Variants in KIR3DL1 observed in about 807,000 individuals in gnomAD.
KIR3DL1 encodes killer cell immunoglobulin-like receptor 3DL1.
KIR3DL1 carries 50 observed loss-of-function variants against 40.3 expected under a neutral mutation model. That is an observed-to-expected ratio of 1.24 (90% confidence interval 0.99 to 1.57). KIR3DL1 has a LOEUF of 1.57. Among genes scored for constraint, KIR3DL1 ranks in the 40% most tolerant of loss-of-function variants. KIR3DL1 has a pLI of 0.00. For synonymous variants in KIR3DL1, 257 were observed against 207.2 expected (o/e 1.24, Z -2.07); for missense variants, 661 against 559.9 (o/e 1.18, Z -1.82).
chr19:54,823,436 A>G (rs986141380), intron 5 of KIR3DL1, among the ~76,000 whole-genome samples: 2 of 150,918 alleles, frequency 1.3e-5, no homozygotes, highest in Non-Finnish European at 3.0e-5. Context: ...TTTCTCTACC[A>G]TCTTGCCAGC....
At chr19:54,827,361 C>T (rs2061955085) in intron 6 of KIR3DL1, among the ~76,000 whole-genome samples, 1 of 150,610 alleles carries the variant, frequency 6.6e-6, no homozygotes, top group African/African-American at 2.5e-5. Flanking sequence ...GAGGCTAAGG[C>T]CAGTGGATTC....
intron 5 of KIR3DL1, among the ~76,000 whole-genome samples, chr19:54,822,570 C>G (rs2061693092): frequency 6.7e-6 from 1 of 150,110 alleles, no homozygotes; most frequent in Non-Finnish European, 1.5e-5. Flanking sequence ...AGAGGTTGCA[C>G]TGAGCCGAGA....
intron 2 of KIR3DL1, among the ~76,000 whole-genome samples, chr19:54,818,107 G>A: frequency 4.3e-5 from 4 of 93,976 alleles, no homozygotes; most frequent in South Asian, 7.3e-4. Context: ...AGTAAGAGTT[G>A]CTTCTCCAGC....
chr19:54,817,445 C>T, intron 1 of KIR3DL1, 89 bp from the exon 2 acceptor site: 1 of 1,130,160 alleles, frequency 8.8e-7, no homozygotes, highest in Non-Finnish European at 1.3e-6. Flanking sequence ...CAGCAAGGGC[C>T]TGGCTGCCAA....
Position 54,820,762 on chromosome 19 carries a change from G to A in KIR3DL1, c.655+750G>A, listed in dbSNP as rs2061592258. 1.3e-5 allele frequency among the ~76,000 whole-genome samples: 2 copies of A among 150,966 alleles called. 1 individual carries two copies. The highest frequency in any genetic ancestry group is 4.9e-5 in the African/African-American group (2 of 40,846). ...GGAGAGAATGATGGAAAGGAGGAGAGAAAAGCCCCAAAATCAGAACCCTGA... is the reference window on the plus strand; with the variant it reads ...GGAGAGAATGATGGAAAGGAGGAGAAAAAAGCCCCAAAATCAGAACCCTGA... On this transcript the variant is annotated intron_variant, in intron 4 of 8. Transcript: ENST00000391728.
rs1383569117 is a variant in KIR3DL1 at position 54,826,934 on chromosome 19, C to T, written c.1000+1856C>T. Among the ~76,000 whole-genome samples the T allele has an allele frequency of 3.3e-5, 5 of 151,900 alleles. No individual in the cohort carries two copies. The South Asian group carries it at 6.2e-4, about 19-fold the overall frequency. ...ACAAGGAGTGTGTGTTTGACACTCA[C>T]AGCCATTGGATTCACCTCGGGGTAG... On this transcript the variant is annotated intron_variant, in intron 6 of 8. Coordinates refer to ENST00000391728, the Ensembl canonical transcript of KIR3DL1.
At chr19:54,825,543 G>T (rs567971473) in intron 6 of KIR3DL1, among the ~76,000 whole-genome samples, 1 of 149,696 alleles carries the variant, frequency 6.7e-6, no homozygotes, top group Non-Finnish European at 1.5e-5. Flanking sequence ...CAGAGCTCAT[G>T]CACGCACACT....
chr19:54,823,702 T>G (rs1355595699), intron 5 of KIR3DL1, among the ~76,000 whole-genome samples: 3 of 151,410 alleles, frequency 2.0e-5, no homozygotes, highest in East Asian at 3.9e-4. Context: ...TTCTCCATGA[T>G]GGTCAGGCTG....
chr19:54,818,640 C>A, intron 3 of KIR3DL1, 41 bp downstream of exon 3: 9 of 1,584,052 alleles, frequency 5.7e-6, no homozygotes, highest in Non-Finnish European at 7.7e-6. Context: ...GTCCCACCTC[C>A]TGAATCCCAG....
At chr19:54,829,332 C>A in intron 6 of KIR3DL1, 29 bp from the exon 7 acceptor site, 1 of 1,409,226 alleles carries the variant, frequency 7.1e-7, no homozygotes, top group Non-Finnish European at 9.8e-7. Context: ...CTATGATTAG[C>A]TTCTTACTGG....
chr19:54,828,433 A>G (rs998695591), intron 6 of KIR3DL1, among the ~76,000 whole-genome samples: 8 of 150,976 alleles, frequency 5.3e-5, no homozygotes, highest in Admixed American at 1.3e-4. Context: ...ACACACAGAG[A>G]ATACGTTACA....
rs1378292208 is a variant in KIR3DL1, at chr19:54,822,844, CTG to C, written c.949+996_949+997del. ...TGTTTCTATGGATGAGTAGTCTCCA[CTG>C]TGTGTGTGTACCACAGTTCTCTATC... On this transcript the variant is annotated intron_variant, in intron 5 of 8. Transcript: ENST00000391728. 1.1e-4 allele frequency among the ~76,000 whole-genome samples: 16 copies of C among 139,768 alleles called. 1 individual carries two copies. The highest frequency in any genetic ancestry group is 1.6e-5 in the Non-Finnish European group (1 of 63,312). 91.7% of individuals were successfully genotyped at this position (139,768 alleles called of 152,430 possible).
At chr19:54,821,445 G>T in intron 4 of KIR3DL1, 120 bp from the exon 5 acceptor site, 2 of 1,222,670 alleles carry the variant, frequency 1.6e-6, no homozygotes, top group South Asian at 1.4e-5. Flanking sequence ...TGGGGTGGAG[G>T]GTGAGAGAGA....
chr19:54,826,817 C>G (rs1232121042), intron 6 of KIR3DL1, among the ~76,000 whole-genome samples: 1 of 151,138 alleles, frequency 6.6e-6, no homozygotes, highest in Admixed American at 6.6e-5. Flanking sequence ...GGAAGAGGCT[C>G]TGCCTGAAAT....
chr19:54,827,406 C>A (rs1186334913), intron 6 of KIR3DL1, among the ~76,000 whole-genome samples: 2 of 150,046 alleles, frequency 1.3e-5, no homozygotes, highest in Non-Finnish European at 3.0e-5. Flanking sequence ...GCCTGGCCAA[C>A]ATGGAGAAAC....
rs1452407180 is a variant in KIR3DL1 at position 54,816,526 on chromosome 19, C to T, written c.26C>T (p.Ala9Val). 1.4e-5 allele frequency: 23 copies of T among 1,607,810 alleles called. 1 individual carries two copies. The South Asian group carries it at 1.4e-4, about 10-fold the overall frequency. ...ATGTCGCTCATGGTCGTCAGCATGG[C>T]GTGTGTTGGTGAGTCCTGGAAGGGA... Residue 9 changes from alanine (A) to valine (V), a missense_variant, in exon 1 of 9, where the codon GCG becomes GTG. Physicochemically the swap from Ala to Val is moderately conservative, Grantham distance 64. Coordinates refer to ENST00000391728, the Ensembl canonical transcript of KIR3DL1.
In KIR3DL1 at chr19:54,820,760, G is replaced by T. The variant is rs1314600224; in HGVS notation, c.655+748G>T. On this transcript the variant is annotated intron_variant, in intron 4 of 8. Coordinates refer to ENST00000391728, the Ensembl canonical transcript of KIR3DL1. ...ATGGAGAGAATGATGGAAAGGAGGA[G>T]AGAAAAGCCCCAAAATCAGAACCCT... 2.0e-5 allele frequency among the ~76,000 whole-genome samples: 3 copies of T among 151,130 alleles called. No individual in the cohort carries two copies. In the South Asian group the frequency reaches 6.4e-4, roughly 32 times the overall value.
chr19:54,824,302 T>G (rs990116715), intron 5 of KIR3DL1, among the ~76,000 whole-genome samples: 6 of 151,530 alleles, frequency 4.0e-5, no homozygotes, highest in Non-Finnish European at 2.9e-5. Flanking sequence ...TTCCTCTGCA[T>G]GTAGATATCC....
chr19:54,827,545 G>A (rs12982007), intron 6 of KIR3DL1, among the ~76,000 whole-genome samples: 18,052 of 150,450 alleles, frequency 0.12, 1,524 homozygotes, highest in Non-Finnish European at 0.15. Flanking sequence ...AACCCAGGAG[G>A]TGGAGGTTGC....
Sources: gnomAD v4.1 joint callset for allele counts (sites outside exome capture counted in the v4.1 genomes callset) on GRCh38, gnomAD v4.1.1 for gene constraint, MANE v1.5 for transcripts, NCBI Gene and HGNC (gene_info 2026-07-23, HGNC 2026-07-21) for gene names.